Variants in N4BP2 observed in about 807,000 individuals in gnomAD.
The protein encoded by N4BP2 is NEDD4 binding protein 2, also known as NEDD4-binding protein 2.
In N4BP2, 91 loss-of-function variants were observed where a neutral mutation model predicts 152.8. The ratio of observed to expected loss-of-function variants is 0.60; its 90% confidence interval spans 0.50 to 0.71. The LOEUF (loss-of-function observed/expected upper bound fraction) is 0.71, where lower values mean the gene tolerates loss of function less well. Ranked by LOEUF, N4BP2 falls within the 30% of genes least tolerant of loss-of-function variation. The probability of loss-of-function intolerance (pLI) is 0.00; values close to 1 mark genes in which losing one functional copy is unlikely to be tolerated. For missense variants in N4BP2, 1,923 were observed against 2,059.1 expected (o/e 0.93, Z 1.28); for synonymous variants, 646 against 705.3 (o/e 0.92, Z 1.33).
At chr4:40,184,848 C>T in the N4BP2 span, among the ~76,000 whole-genome samples, 4 of 151,926 alleles carry the variant, frequency 2.6e-5, no homozygotes, top group African/African-American at 4.8e-5. Flanking sequence ...CCCAGCTGCT[C>T]GGGAGGCTGA....
chr4:40,178,074 C>G, the N4BP2 span, among the ~76,000 whole-genome samples: 1 of 151,732 alleles, frequency 6.6e-6, no homozygotes, highest in African/African-American at 2.4e-5. Flanking sequence ...GCAGGAGAAT[C>G]GCTTGAACCC....
At chr4:40,107,064 A>G (rs1004934194) in intron 5 of N4BP2, 40 bp downstream of exon 5, 1 of 1,589,036 alleles carries the variant, frequency 6.3e-7, no homozygotes, top group Non-Finnish European at 8.5e-7. Context: ...CGTTATGAGT[A>G]ATACAAAGAA....
At chr4:40,082,548 C>T (rs971514866) in intron 2 of N4BP2, among the ~76,000 whole-genome samples, 1 of 152,116 alleles carries the variant, frequency 6.6e-6, no homozygotes, top group African/African-American at 2.4e-5. Context: ...CTAGATACCA[C>T]TAGGATTATG....
chr4:40,166,444 C>T, the N4BP2 span, among the ~76,000 whole-genome samples: 2 of 152,106 alleles, frequency 1.3e-5, no homozygotes, highest in African/African-American at 4.8e-5. Context: ...AATCCCAGCA[C>T]TTTGGGAGGC....
rs955649325 is a variant in N4BP2 at position 40,158,154 on chromosome 4, AC to A, written c.*3918del. 2.0e-5 allele frequency: 3 copies of A among 152,184 alleles called. No individual in the cohort carries two copies. Among genetic ancestry groups the A allele is most frequent in the Non-Finnish European group, 4.4e-5 (3 of 68,018 alleles). 9.4% of individuals were successfully genotyped at this position (152,184 alleles called of 1,614,324 possible). A position where few individuals can be genotyped will look rare whatever the true frequency, so the allele number is the denominator to read the frequency against. ...AATGTAATTTTGCTGTTAACTCTGT[AC>A]TTTTTAAATTGAAAATGTTTTATAA... On this transcript the variant is annotated 3_prime_UTR_variant, in exon 18 of 18. Coordinates refer to ENST00000261435, the MANE Select transcript of N4BP2 (RefSeq NM_018177.6).
the N4BP2 span, among the ~76,000 whole-genome samples, chr4:40,187,318 A>C: frequency 3.9e-5 from 6 of 152,174 alleles, no homozygotes; most frequent in African/African-American, 1.4e-4. Flanking sequence ...CATTCATCCA[A>C]AGCCAAAAAT....
Position 40,142,796 on chromosome 4 carries a change from T to C in N4BP2, c.4909T>C (p.Tyr1637His). 6.2e-7 allele frequency: 1 copy of C among 1,614,074 alleles called. No individual in the cohort carries two copies. Among genetic ancestry groups the C allele is most frequent in the Non-Finnish European group, 8.5e-7 (1 of 1,180,022 alleles). ...FLHQQKRMEC[Y>H]SKAKEAYRIG... ...TCACCAACAGAAGAGGATGGAGTGC[T>C]ACAGCAAGGCCAAAGAAGCTTATCG... The change falls in exon 15 of 18, where the codon TAC (tyrosine) becomes CAC (histidine). Residue 1637 changes from tyrosine (Y) to histidine (H), a missense_variant. Coordinates refer to ENST00000261435, the MANE Select transcript of N4BP2 (RefSeq NM_018177.6).
the N4BP2 span, among the ~76,000 whole-genome samples, chr4:40,169,807 A>G: frequency 9.2e-5 from 14 of 152,012 alleles, no homozygotes; most frequent in Admixed American, 9.2e-4. Context: ...TCTGTTAAAA[A>G]TACAAAAATT....
intron 14 of N4BP2, among the ~76,000 whole-genome samples, chr4:40,141,912 C>A (rs923887910): frequency 1.3e-5 from 2 of 152,188 alleles, no homozygotes; most frequent in Non-Finnish European, 2.9e-5. Flanking sequence ...ACAGCGAAAC[C>A]CCGTCTCCAC....
At chr4:40,089,743 A>G (rs567178976) in intron 2 of N4BP2, among the ~76,000 whole-genome samples, 2 of 152,120 alleles carry the variant, frequency 1.3e-5, no homozygotes, top group South Asian at 4.1e-4. Flanking sequence ...AGCCACGATC[A>G]GTTTTTCCTT....
intron 17 of N4BP2, 137 bp downstream of exon 17, chr4:40,153,040 A>T (rs56365389): frequency 0.3 from 194,463 of 645,650 alleles, 30,812 homozygotes; most frequent in South Asian, 0.45. Context: ...CTAATAGCGT[A>T]CTCAGAACAA....
At chr4:40,065,925 C>G (rs1342713460) in intron 1 of N4BP2, among the ~76,000 whole-genome samples, 2 of 149,982 alleles carry the variant, frequency 1.3e-5, no homozygotes, top group Admixed American at 6.6e-5. Flanking sequence ...CTATAAAGAT[C>G]CAGTAAAGCA....
chr4:40,161,085 T>C (rs551370956), downstream of N4BP2, among the ~76,000 whole-genome samples: 1 of 152,326 alleles, frequency 6.6e-6, no homozygotes, highest in South Asian at 2.1e-4. Context: ...TTAAAATCAC[T>C]ACTGGCCCTC....
intron 14 of N4BP2, 173 bp from the exon 15 acceptor site, chr4:40,142,500 G>A (rs1487409818): frequency 3.5e-6 from 2 of 565,706 alleles, no homozygotes; most frequent in Non-Finnish European, 6.4e-6. Flanking sequence ...AAAAGTTAAT[G>A]ATAGTCGATA....
chr4:40,174,183 C>A, the N4BP2 span, among the ~76,000 whole-genome samples: 1 of 151,516 alleles, frequency 6.6e-6, no homozygotes, highest in Non-Finnish European at 1.5e-5. Context: ...TCGAGACCAG[C>A]CTGGGCAAAA....
intron 1 of N4BP2, among the ~76,000 whole-genome samples, chr4:40,060,942 G>C (rs1380538506): frequency 6.6e-6 from 1 of 152,000 alleles, no homozygotes; most frequent in Non-Finnish European, 1.5e-5. Flanking sequence ...CATATCCTTT[G>C]ATCATGTATT....
chr4:40,164,084 G>A, the N4BP2 span, among the ~76,000 whole-genome samples: 10 of 152,254 alleles, frequency 6.6e-5, no homozygotes, highest in South Asian at 6.2e-4. Context: ...GTTCAGTGTG[G>A]GAAGGAAAGG....
rs941005748 is a variant in N4BP2, at chr4:40,154,514, C to G, written c.*277C>G. On this transcript the variant is annotated 3_prime_UTR_variant, in exon 18 of 18. Transcript: ENST00000261435. Reference sequence around the variant, plus strand: ...CTACAGTTTTAAAGTTTAAAATGCTCTGATTGTTTCTCAGAAAAGGTTACC... The same window carrying G: ...CTACAGTTTTAAAGTTTAAAATGCTGTGATTGTTTCTCAGAAAAGGTTACC... 6 of 317,500 alleles carry G rather than the reference C, an allele frequency of 1.9e-5. No individual in the cohort carries two copies. The highest frequency in any genetic ancestry group is 1.3e-4 in the African/African-American group (6 of 44,896). The allele number at this position is 317,500 out of a possible 1,614,324, so 19.7% of individuals were successfully genotyped here. A position where few individuals can be genotyped will look rare whatever the true frequency, so the allele number is the denominator to read the frequency against.
chr4:40,187,917 A>G, the N4BP2 span, among the ~76,000 whole-genome samples: 2 of 152,238 alleles, frequency 1.3e-5, no homozygotes, highest in African/African-American at 4.8e-5. Context: ...AACTTGGGCT[A>G]ACCCAGGAAA....
Sources: allele counts gnomAD v4.1 joint callset (sites outside exome capture counted in the v4.1 genomes callset), GRCh38; gene constraint gnomAD v4.1.1; transcripts MANE v1.5; gene names NCBI Gene and HGNC (gene_info 2026-07-23, HGNC 2026-07-21).